PTPRD: variants seen among roughly 807,000 people sequenced by gnomAD.
PTPRD encodes protein tyrosine phosphatase receptor type D.
In PTPRD, 34 loss-of-function variants were observed where a neutral mutation model predicts 214.5. The observed-to-expected ratio is 0.16, with a 90% CI of 0.12 to 0.21. The LOEUF is 0.21. PTPRD is among the 10% of genes least tolerant of loss of function. The pLI is 1.00. For synonymous variants in PTPRD, 1,128 were observed against 845.7 expected (o/e 1.33, Z -5.79); for missense variants, 2,545 against 2,398.7 (o/e 1.06, Z -1.27).
chr9:9,527,636 C>T (rs559124955), intron 8 of PTPRD, among the ~76,000 whole-genome samples: 124 of 152,212 alleles, frequency 8.1e-4, no homozygotes, highest in African/African-American at 2.8e-3. Flanking sequence ...AATCTTGCTT[C>T]TCTTATGTAT....
chr9:9,845,043 T>C (rs1399601206), intron 5 of PTPRD, among the ~76,000 whole-genome samples: 1 of 129,700 alleles, frequency 7.7e-6, no homozygotes, highest in Non-Finnish European at 1.7e-5. Flanking sequence ...TATATATATA[T>C]AGCTATATAT....
intron 11 of PTPRD, among the ~76,000 whole-genome samples, chr9:8,996,314 C>T (rs2154351627): frequency 6.6e-6 from 1 of 152,142 alleles, no homozygotes; most frequent in South Asian, 2.1e-4. Context: ...ACTACTGATA[C>T]ACACAACAAC....
chr9:8,713,222 G>C (rs911360357), intron 12 of PTPRD: 1 of 590,130 alleles, frequency 1.7e-6, no homozygotes. Context: ...TTGGTATCCA[G>C]TTCGCTCCTA....
At chr9:8,838,301 T>A (rs2097482923) in intron 11 of PTPRD, among the ~76,000 whole-genome samples, 1 of 151,394 alleles carries the variant, frequency 6.6e-6, no homozygotes, top group Non-Finnish European at 1.5e-5. Context: ...GTTCGGTGCA[T>A]CGTTTGGGGA....
At chr9:10,563,611 T>G (rs2064669188) in intron 2 of PTPRD, among the ~76,000 whole-genome samples, 2 of 152,184 alleles carry the variant, frequency 1.3e-5, no homozygotes, top group African/African-American at 4.8e-5. Flanking sequence ...TCAAAAATTA[T>G]GCTTAAATAC....
At chr9:9,739,133 G>T (rs2098354660) in intron 6 of PTPRD, among the ~76,000 whole-genome samples, 2 of 151,926 alleles carry the variant, frequency 1.3e-5, no homozygotes, top group African/African-American at 2.4e-5. Context: ...TACTAAAAAG[G>T]CATGCATGTG....
At chr9:8,395,473 G>A (rs2090873368) in intron 36 of PTPRD, among the ~76,000 whole-genome samples, 1 of 151,548 alleles carries the variant, frequency 6.6e-6, no homozygotes, top group Non-Finnish European at 1.5e-5. Context: ...CCTGTTCAAT[G>A]ACAGCCACAC....
intron 33 of PTPRD, among the ~76,000 whole-genome samples, chr9:8,458,498 C>T (rs1254546883): frequency 6.6e-6 from 1 of 152,074 alleles, no homozygotes; most frequent in African/African-American, 2.4e-5. Flanking sequence ...TCAACAATCC[C>T]TTGTTTTTTG....
At chr9:9,627,743 A>T (rs988872204) in intron 7 of PTPRD, among the ~76,000 whole-genome samples, 3 of 152,174 alleles carry the variant, frequency 2.0e-5, no homozygotes, top group African/African-American at 4.8e-5. Context: ...GCCATTTGAG[A>T]TCAGTTCTTC....
chr9:8,582,028 A>G (rs1418371833), intron 14 of PTPRD, among the ~76,000 whole-genome samples: 1 of 149,596 alleles, frequency 6.7e-6, no homozygotes, highest in African/African-American at 2.4e-5. Flanking sequence ...ATAAATTTCA[A>G]AAATGAGAGG....
At chr9:9,884,468 A>C (rs559162686) in intron 5 of PTPRD, among the ~76,000 whole-genome samples, 1 of 152,112 alleles carries the variant, frequency 6.6e-6, no homozygotes, top group African/African-American at 2.4e-5. Context: ...GTTTACAAAC[A>C]TTTACCACCA....
intron 9 of PTPRD, among the ~76,000 whole-genome samples, chr9:9,351,397 G>C (rs1240028455): frequency 6.6e-6 from 1 of 152,028 alleles, no homozygotes; most frequent in Non-Finnish European, 1.5e-5. Context: ...TGTCTAGAAG[G>C]AGAGCAGGAA....
intron 35 of PTPRD, among the ~76,000 whole-genome samples, chr9:8,427,001 G>C (rs540932455): frequency 6.6e-6 from 1 of 152,228 alleles, no homozygotes; most frequent in African/African-American, 2.4e-5. Flanking sequence ...GTGTCTTTGT[G>C]TTCTACTAGA....
At chr9:9,887,952 A>AAAAT (rs2071603741) in intron 5 of PTPRD, among the ~76,000 whole-genome samples, 1 of 152,190 alleles carries the variant, frequency 6.6e-6, no homozygotes, top group Non-Finnish European at 1.5e-5. Flanking sequence ...GAAAAATAAC[A>AAAAT]AAATAAATTC....
At chr9:9,511,951 C>T (rs1198678242) in intron 8 of PTPRD, among the ~76,000 whole-genome samples, 1 of 151,718 alleles carries the variant, frequency 6.6e-6, no homozygotes, top group Non-Finnish European at 1.5e-5. Flanking sequence ...TCCTTCTCTA[C>T]TAGACACATG....
intron 40 of PTPRD, 96 bp from the exon 41 acceptor site, chr9:8,341,364 T>C: frequency 7.6e-7 from 1 of 1,321,484 alleles, no homozygotes; most frequent in Non-Finnish European, 1.0e-6. Context: ...CTTTTAGATA[T>C]AAATCTTTTG....
intron 30 of PTPRD, among the ~76,000 whole-genome samples, chr9:8,471,606 G>A (rs1250832904): frequency 6.6e-6 from 1 of 152,096 alleles, no homozygotes. Context: ...TAATTGCACA[G>A]AGTAAGATAT....
At chr9:10,388,410 C>G (rs1044797627) in intron 2 of PTPRD, among the ~76,000 whole-genome samples, 1 of 147,766 alleles carries the variant, frequency 6.8e-6, no homozygotes, top group African/African-American at 2.5e-5. Flanking sequence ...TCTGTCAACT[C>G]AAGGAGAGGC....
intron 3 of PTPRD, among the ~76,000 whole-genome samples, chr9:10,128,220 A>G (rs1375372306): frequency 6.6e-6 from 1 of 152,110 alleles, no homozygotes; most frequent in Admixed American, 6.6e-5. Flanking sequence ...GTGTACCCCA[A>G]ATTAATATGT....
Sources: gnomAD v4.1 joint callset for allele counts (sites outside exome capture counted in the v4.1 genomes callset) on GRCh38, gnomAD v4.1.1 for gene constraint, MANE v1.5 for transcripts, NCBI Gene and HGNC (gene_info 2026-07-23, HGNC 2026-07-21) for gene names.